The following CMIP variants were observed in gnomAD, a reference collection of about 807,000 sequenced individuals.
CMIP encodes c-Maf inducing protein, also known as C-Maf-inducing protein.
A neutral mutation model predicts 97.3 loss-of-function variants in CMIP; 13 were observed. That is an observed-to-expected ratio of 0.13 (90% CI 0.09 to 0.21). CMIP has a LOEUF of 0.21. Among genes scored for constraint, CMIP ranks in the 10% least tolerant of loss-of-function variants. CMIP has a pLI of 1.00. For missense variants in CMIP, 847 were observed against 1,024.9 expected (o/e 0.83, Z 2.37); for synonymous variants, 538 against 436.3 (o/e 1.23, Z -2.91).
At chr16:81,520,710 C>G (rs922783740) in intron 1 of CMIP, 1 of 152,196 alleles carries the variant, frequency 6.6e-6, no homozygotes, top group African/African-American at 2.4e-5. Flanking sequence ...ATCAGAATTT[C>G]TCATGACTGG....
chr16:81,579,300 G>A (rs1439206310), intron 1 of CMIP, among the ~76,000 whole-genome samples: 1 of 152,192 alleles, frequency 6.6e-6, no homozygotes, highest in South Asian at 2.1e-4. Context: ...CAGCTCTCAG[G>A]TGTGGAAGGC....
At chr16:81,474,681 G>C (rs868839252) in intron 1 of CMIP, among the ~76,000 whole-genome samples, 30 of 152,342 alleles carry the variant, frequency 2.0e-4, no homozygotes, top group African/African-American at 7.2e-4. Context: ...ACCACTGTCC[G>C]CCTGCGGAGG....
At chr16:81,685,257 C>T (rs1905260532) in intron 10 of CMIP, among the ~76,000 whole-genome samples, 1 of 152,202 alleles carries the variant, frequency 6.6e-6, no homozygotes, top group Admixed American at 6.5e-5. Flanking sequence ...TGCCAGGAAG[C>T]GGAGCCCCAG....
At chr16:81,648,074 G>A (rs1567632585) in intron 3 of CMIP, among the ~76,000 whole-genome samples, 1 of 147,842 alleles carries the variant, frequency 6.8e-6, no homozygotes, top group Non-Finnish European at 1.5e-5. Flanking sequence ...CTGGTTACCT[G>A]GCCTCCACTC....
Position 81,445,262 on chromosome 16 carries a change from G to GGGC in CMIP, c.32_34dup (p.Gly11dup), listed in dbSNP as rs753190612. Reference sequence around the variant, plus strand: ...CGGCCATGGATGTGACCAGCAGCTCGGGCGGCGGCGGCGACCCCCGGCAGA... The same window carrying GGGC: ...CGGCCATGGATGTGACCAGCAGCTCGGGCGGCGGCGGCGGCGACCCCCGGCAGA... On this transcript the variant is annotated inframe_insertion, in exon 1 of 21. Coordinates refer to ENST00000537098, the MANE Select transcript of CMIP (RefSeq NM_198390.3). 8.9e-5 allele frequency: 137 copies of GGGC among 1,533,666 alleles called. No individual in the cohort carries two copies. The highest frequency in any genetic ancestry group is 1.1e-4 in the Non-Finnish European group (129 of 1,142,752).
In CMIP at chr16:81,456,136, G is replaced by A. The variant is rs532847204; in HGVS notation, c.300+10595G>A. On this transcript the variant is annotated intron_variant, in intron 1 of 20. Transcript: ENST00000537098. ...TCAGGGTAGGAAAATGGAAGAGCTC[G>A]AACTGTCCCAGCAGGCTGGTGGCAA... Among the ~76,000 whole-genome samples, 64 of 152,304 alleles carry A rather than the reference G, an allele frequency of 4.2e-4. No homozygotes were observed. The South Asian group carries it at 0.012, about 29-fold the overall frequency.
intron 3 of CMIP, among the ~76,000 whole-genome samples, chr16:81,629,134 TAAAAAAAAAAAAAAAAAAA>T (rs10533097): frequency 2.2e-5 from 1 of 45,694 alleles, no homozygotes; most frequent in Non-Finnish European, 4.0e-5. Context: ...AAACTGTGCT[TAAAAAAAAAAAAAAAAAAA>T]AAAAAAAAAA....
chr16:81,542,870 G>C (rs2090474354), intron 1 of CMIP, among the ~76,000 whole-genome samples: 1 of 152,220 alleles, frequency 6.6e-6, no homozygotes, highest in Non-Finnish European at 1.5e-5. Context: ...GGAATTTCCG[G>C]GAGGCACAAA....
chr16:81,588,085 C>T (rs13331268), intron 1 of CMIP, among the ~76,000 whole-genome samples: 103 of 152,206 alleles, frequency 6.8e-4, no homozygotes, highest in African/African-American at 2.1e-3. Context: ...CCAAGAGGAC[C>T]GAGGCTTTTC....
chr16:81,701,900 A>C, intron 16 of CMIP, 100 bp downstream of exon 16: 3 of 1,412,844 alleles, frequency 2.1e-6, no homozygotes, highest in Non-Finnish European at 2.9e-6. Context: ...AGTGGACCTC[A>C]ATCTCGTTGA....
At chr16:81,695,818 C>T (rs978266130) in intron 13 of CMIP, 2 of 152,984 alleles carry the variant, frequency 1.3e-5, no homozygotes, top group African/African-American at 4.8e-5. Flanking sequence ...GAAATTGCCC[C>T]CAGCCACGGA....
chr16:81,509,801 C>T (rs755983574), intron 1 of CMIP, among the ~76,000 whole-genome samples: 31 of 152,158 alleles, frequency 2.0e-4, no homozygotes, highest in Non-Finnish European at 4.4e-4. Context: ...GACCCAGACC[C>T]CTCAGCTTGC....
chr16:81,698,740 C>G (rs908275715), intron 14 of CMIP, among the ~76,000 whole-genome samples: 1 of 152,218 alleles, frequency 6.6e-6, no homozygotes, highest in Non-Finnish European at 1.5e-5. Flanking sequence ...AACTGAAACT[C>G]AGCATCCATT....
chr16:81,600,005 C>T (rs1378386266), intron 1 of CMIP, among the ~76,000 whole-genome samples: 1 of 151,854 alleles, frequency 6.6e-6, no homozygotes. Flanking sequence ...TATATGGCAG[C>T]AGTGGTGGCT....
At chr16:81,470,181 A>G (rs1042221178) in intron 1 of CMIP, among the ~76,000 whole-genome samples, 2 of 152,264 alleles carry the variant, frequency 1.3e-5, no homozygotes, top group African/African-American at 4.8e-5. Context: ...GTTGAAAGCA[A>G]TAGGGAAATA....
At chr16:81,704,675 C>G (rs980515011) in intron 18 of CMIP, among the ~76,000 whole-genome samples, 1 of 88,670 alleles carries the variant, frequency 1.1e-5, no homozygotes, top group Non-Finnish European at 2.3e-5. Flanking sequence ...TCCTCCCTAC[C>G]CCTTCATCCT....
At chr16:81,595,034 G>GTCTCTC (rs60887695) in intron 1 of CMIP, among the ~76,000 whole-genome samples, 10,613 of 145,734 alleles carry the variant, frequency 0.073, 880 homozygotes, top group African/African-American at 0.2. Context: ...ATATCATGTG[G>GTCTCTC]TCTCTCTCTC....
intron 1 of CMIP, among the ~76,000 whole-genome samples, chr16:81,579,997 T>G (rs1466503435): frequency 6.6e-6 from 1 of 152,198 alleles, no homozygotes; most frequent in Non-Finnish European, 1.5e-5. Context: ...ATGACAGGTT[T>G]AAAAAGTTTG....
chr16:81,446,334 G>C (rs999377195), intron 1 of CMIP, among the ~76,000 whole-genome samples: 2 of 152,036 alleles, frequency 1.3e-5, no homozygotes, highest in Non-Finnish European at 2.9e-5. Flanking sequence ...TCAGCTGGAT[G>C]AGTCGGAGAG....
Sources: allele counts gnomAD v4.1 joint callset (sites outside exome capture counted in the v4.1 genomes callset), GRCh38; gene constraint gnomAD v4.1.1; transcripts MANE v1.5; gene names NCBI Gene and HGNC (gene_info 2026-07-23, HGNC 2026-07-21).